The following ATP2B2 variants were observed in gnomAD, a reference collection of about 807,000 sequenced individuals.
ATP2B2 encodes the protein ATPase plasma membrane Ca2+ transporting 2.
ATP2B2 carries 15 observed loss-of-function variants against 120.0 expected under a neutral mutation model. That is an observed-to-expected ratio of 0.12 (90% CI 0.08 to 0.19). The LOEUF is 0.19. ATP2B2 is among the 10% of genes least tolerant of loss of function. ATP2B2 has a pLI of 1.00. For synonymous variants in ATP2B2, 694 were observed against 700.3 expected (o/e 0.99, Z 0.14); for missense variants, 1,045 against 1,719.8 (o/e 0.61, Z 6.94).
intron 5 of ATP2B2, 37 bp from the exon 6 acceptor site, chr3:10,388,439 G>A (rs763501768): frequency 3.3e-5 from 54 of 1,613,814 alleles, no homozygotes; most frequent in Non-Finnish European, 4.3e-5. Context: ...ACCATTGCAT[G>A]GTTGAAGCCG....
At chr3:10,664,881 T>G (rs1175775336) in intron 1 of ATP2B2, among the ~76,000 whole-genome samples, 1 of 152,186 alleles carries the variant, frequency 6.6e-6, no homozygotes, top group African/African-American at 2.4e-5. Flanking sequence ...CACAAGCAAC[T>G]GCCCCCATGC....
chr3:10,391,607 T>C (rs1299189985), intron 5 of ATP2B2, among the ~76,000 whole-genome samples: 1 of 152,172 alleles, frequency 6.6e-6, no homozygotes, highest in African/African-American at 2.4e-5. Context: ...AGGGAGGGGC[T>C]TAGGCATAGT....
chr3:10,463,907 C>A (rs1372758217), intron 1 of ATP2B2, among the ~76,000 whole-genome samples: 1 of 152,226 alleles, frequency 6.6e-6, no homozygotes, highest in African/African-American at 2.4e-5. Context: ...GTCCCAGGGA[C>A]CAGGTGGGGT....
chr3:10,529,582 C>T (rs868586953), intron 3 of ATP2B2, among the ~76,000 whole-genome samples: 12 of 152,208 alleles, frequency 7.9e-5, no homozygotes, highest in African/African-American at 2.9e-4. Context: ...TTCTTCGAGT[C>T]TATTTGGGAA....
rs563365985 is a variant in ATP2B2, at chr3:10,639,993, G to A, written c.-459-20032C>T. 3.3e-5 allele frequency among the ~76,000 whole-genome samples: 5 copies of A among 152,236 alleles called. 1 individual carries two copies. In the South Asian group the frequency reaches 1.0e-3, roughly 32 times the overall value. ...GGGGCCGTACATCCAGGCTTTCTTGGGTACTATTGGTGTTTTTGCACTGAA... is the reference window on the plus strand; with the variant it reads ...GGGGCCGTACATCCAGGCTTTCTTGAGTACTATTGGTGTTTTTGCACTGAA... On this transcript the variant is annotated intron_variant, in intron 1 of 21. Transcript: ENST00000646379.
Position 10,472,075 on chromosome 3 carries a change from C to T in ATP2B2, c.-319-22213G>A, listed in dbSNP as rs1184069740. The stretch of plus-strand genomic sequence containing the variant: ...CCGCCTGGGCCACAGAGCGAGACTC[C>T]GTCTCAAAAAAAAAAAAAAAAAAAA... On this transcript the variant is annotated intron_variant, in intron 1 of 22. Coordinates refer to ENST00000360273, the MANE Select transcript of ATP2B2 (RefSeq NM_001001331.4). Among the ~76,000 whole-genome samples the T allele has an allele frequency of 6.6e-5, 7 of 105,728 alleles. No individual in the cohort carries two copies. The East Asian group carries it at 4.0e-3, about 61-fold the overall frequency. The allele number at this position is 105,728 out of a possible 152,430, so 69.4% of individuals were successfully genotyped here.
chr3:10,483,071 C>T (rs537661432), intron 1 of ATP2B2, among the ~76,000 whole-genome samples: 192 of 152,334 alleles, frequency 1.3e-3, no homozygotes, highest in Admixed American at 2.2e-3. Flanking sequence ...TTAGGATTCC[C>T]AGAGGTGGAT....
chr3:10,643,547 G>A (rs993736359), intron 1 of ATP2B2, among the ~76,000 whole-genome samples: 22 of 152,156 alleles, frequency 1.4e-4, no homozygotes, highest in African/African-American at 5.3e-4. Context: ...CTCCATTGTG[G>A]GGCACATGGC....
chr3:10,475,324 G>A (rs2065162611), intron 1 of ATP2B2, among the ~76,000 whole-genome samples: 1 of 152,208 alleles, frequency 6.6e-6, no homozygotes, highest in African/African-American at 2.4e-5. Context: ...CAGGGGTCAT[G>A]TCAGAGCTCC....
At position 10,340,012 on chromosome 3, in the gene ATP2B2, T is replaced by C. The variant is rs1032604765; in HGVS notation, c.3237+230A>G. Among the ~76,000 whole-genome samples the C allele has an allele frequency of 2.0e-5, 3 of 152,198 alleles. No individual in the cohort carries two copies. Among genetic ancestry groups the C allele is most frequent in the African/African-American group, 7.2e-5 (3 of 41,450 alleles). On this transcript the variant is annotated intron_variant, in intron 21 of 22. Coordinates refer to ENST00000360273, the MANE Select transcript of ATP2B2 (RefSeq NM_001001331.4). The surrounding 1 kb of genome is among the most constrained non-coding windows in gnomAD (Gnocchi z 5.0). ...AGCTGACGTGATTGAGAGAAAATATTACATAAACAACAGGAGCAGTGGTAG... is the reference window on the plus strand; with the variant it reads ...AGCTGACGTGATTGAGAGAAAATATCACATAAACAACAGGAGCAGTGGTAG...
At chr3:10,639,356 G>A (rs1347439620) in intron 1 of ATP2B2, among the ~76,000 whole-genome samples, 11 of 152,166 alleles carry the variant, frequency 7.2e-5, no homozygotes, top group Admixed American at 7.2e-4. Flanking sequence ...CAATAGAAAT[G>A]TATTTCTCAC....
intron 2 of ATP2B2, among the ~76,000 whole-genome samples, chr3:10,419,985 G>A (rs1383644488): frequency 2.0e-5 from 3 of 152,222 alleles, no homozygotes; most frequent in Admixed American, 6.5e-5. Flanking sequence ...GGGTGACCTC[G>A]TGGCCCTGCT....
At position 10,375,738 on chromosome 3, in the gene ATP2B2, G is replaced by C. The variant is rs2061363071; in HGVS notation, c.1202-94C>G. On this transcript the variant is annotated intron_variant, in intron 10 of 22. Transcript: ENST00000360273. The surrounding 1 kb of genome is among the most constrained non-coding windows in gnomAD (Gnocchi z 4.2). ...CTTTGGCTGAAAGAGCTCCGGGTCA[G>C]GCTGACCCCAGCTCACCTCCCAGCT... 1.7e-6 allele frequency: 2 copies of C among 1,159,880 alleles called. No individual in the cohort carries two copies. The highest frequency in any genetic ancestry group is 2.5e-6 in the Non-Finnish European group (2 of 789,550). 71.8% of individuals were successfully genotyped at this position (1,159,880 alleles called of 1,614,324 possible). A position where few individuals can be genotyped will look rare whatever the true frequency, so the allele number is the denominator to read the frequency against.
intron 6 of ATP2B2, 30 bp downstream of exon 6, chr3:10,388,247 T>A: frequency 6.2e-7 from 1 of 1,613,946 alleles, no homozygotes; most frequent in Non-Finnish European, 8.5e-7. Context: ...TAAGAGCTCC[T>A]CTCCTGGTCT....
intron 1 of ATP2B2, among the ~76,000 whole-genome samples, chr3:10,667,967 AAAG>A (rs1258322319): frequency 6.6e-6 from 1 of 152,210 alleles, no homozygotes; most frequent in African/African-American, 2.4e-5. Context: ...TCCTTTCTAA[AAAG>A]AAATCACTGA....
chr3:10,610,506 C>G (rs2069204317), intron 2 of ATP2B2, among the ~76,000 whole-genome samples: 1 of 152,194 alleles, frequency 6.6e-6, no homozygotes, highest in African/African-American at 2.4e-5. Flanking sequence ...GAATCTGCAA[C>G]TAAACCCCTA....
chr3:10,665,680 G>A (rs1664350462), intron 1 of ATP2B2, among the ~76,000 whole-genome samples: 1 of 152,190 alleles, frequency 6.6e-6, no homozygotes, highest in Non-Finnish European at 1.5e-5. Context: ...TGGAGGGCAT[G>A]CCAAATCTCA....
chr3:10,688,617 C>G (rs758919563), intron 1 of ATP2B2, among the ~76,000 whole-genome samples: 1 of 152,176 alleles, frequency 6.6e-6, no homozygotes, highest in Non-Finnish European at 1.5e-5. Context: ...AAAATTTGCT[C>G]TCAGACAGGG....
At chr3:10,416,910 C>T (rs1053107036) in intron 2 of ATP2B2, among the ~76,000 whole-genome samples, 3 of 149,992 alleles carry the variant, frequency 2.0e-5, no homozygotes, top group East Asian at 2.0e-4. Flanking sequence ...CCAGATGGGG[C>T]GGCAGCCGGG....
Sources: allele counts gnomAD v4.1 joint callset (sites outside exome capture counted in the v4.1 genomes callset), GRCh38; gene constraint gnomAD v4.1.1; non-coding constraint Gnocchi (gnomAD v3.1); transcripts MANE v1.5; gene names NCBI Gene and HGNC (gene_info 2026-07-23, HGNC 2026-07-21).